Variants in CEP89 observed in about 807,000 individuals in gnomAD.
CEP89 encodes centrosomal protein 89, also known as centrosomal protein of 89 kDa.
In CEP89, 95 loss-of-function variants were observed where a neutral mutation model predicts 97.6. That is an observed-to-expected ratio of 0.97 (90% confidence interval 0.82 to 1.15). The LOEUF is 1.15. CEP89 is among the 50% of genes most tolerant of loss of function. The probability of loss-of-function intolerance (pLI) is 0.00; values close to 1 mark genes in which losing one functional copy is unlikely to be tolerated. For missense variants in CEP89, 869 were observed against 947.7 expected (o/e 0.92, Z 1.09); for synonymous variants, 354 against 349.1 (o/e 1.01, Z -0.16).
chr19:32,930,177 G>C (rs1048237088), intron 9 of CEP89, among the ~76,000 whole-genome samples: 1 of 151,718 alleles, frequency 6.6e-6, no homozygotes, highest in African/African-American at 2.4e-5. Flanking sequence ...AGGTGCGCAC[G>C]ACCATGCCTG....
chr19:32,885,559 T>C (rs1274440159), intron 17 of CEP89, among the ~76,000 whole-genome samples: 1 of 152,182 alleles, frequency 6.6e-6, no homozygotes, highest in Non-Finnish European at 1.5e-5. Flanking sequence ...TGGGCTCAAG[T>C]GATCTGCCTG....
chr19:32,896,658 A>T (rs1448162796), intron 16 of CEP89, among the ~76,000 whole-genome samples: 2 of 152,284 alleles, frequency 1.3e-5, no homozygotes, highest in African/African-American at 4.8e-5. Flanking sequence ...CAAAGGAAAC[A>T]ATCAATAGAA....
rs1337966855 is a variant in CEP89 at position 32,881,978 on chromosome 19, G to A, written c.2001C>T (p.Asp667=). The A allele has an allele frequency of 2.5e-6, 4 of 1,585,682 alleles. No individual in the cohort carries two copies. The highest frequency in any genetic ancestry group is 3.4e-6 in the Non-Finnish European group (4 of 1,166,114). The change falls in exon 18 of 19, where the codon GAC becomes GAT. Residue 667 remains aspartate (D), a synonymous_variant. Coordinates refer to ENST00000305768, the MANE Select transcript of CEP89 (RefSeq NM_032816.5). ...YKKQAALKLG[D]ISHRLLEQQE... ...GCTGCTCCAGCAGACGGTGACTGAT[G>A]TCCCCCAGCTTCAGTGCTGCCTGCT...
intron 14 of CEP89, among the ~76,000 whole-genome samples, chr19:32,909,656 C>T (rs971617959): frequency 6.6e-6 from 1 of 152,086 alleles, no homozygotes; most frequent in Non-Finnish European, 1.5e-5. Context: ...AACATGATTA[C>T]CAGAATTTAA....
chr19:32,931,646 G>A (rs967469141), intron 8 of CEP89, 75 bp from the exon 9 acceptor site: 30 of 1,290,880 alleles, frequency 2.3e-5, no homozygotes, highest in Admixed American at 5.7e-5. Flanking sequence ...ATTGCAAATC[G>A]TTTGCTTTTC....
intron 16 of CEP89, among the ~76,000 whole-genome samples, chr19:32,894,626 G>T (rs1969601183): frequency 6.6e-6 from 1 of 152,192 alleles, no homozygotes. Flanking sequence ...CTAGGTGGAG[G>T]TTTTATATGC....
intron 1 of CEP89, among the ~76,000 whole-genome samples, chr19:32,967,475 A>G (rs1000248321): frequency 4.0e-5 from 6 of 151,428 alleles, no homozygotes; most frequent in Non-Finnish European, 7.4e-5. Flanking sequence ...GAATTATGGA[A>G]TGAGCCGGGA....
rs909135458 is a variant in CEP89, at chr19:32,876,511, C to G, written c.*2651G>C. 9.1e-5 allele frequency: 14 copies of G among 154,012 alleles called. No homozygotes were observed. Among genetic ancestry groups the G allele is most frequent in the African/African-American group, 3.4e-4 (14 of 41,612 alleles). The allele number at this position is 154,012 out of a possible 1,614,324, so 9.5% of individuals were successfully genotyped here. A position where few individuals can be genotyped will look rare whatever the true frequency, so the allele number is the denominator to read the frequency against. ...TTTCCCACCCAAGCTCTGACCAAAC[C>G]CCCTCCTGCTGCTCTGAGTGCCTGC... On this transcript the variant is annotated 3_prime_UTR_variant, in exon 19 of 19. Transcript: ENST00000305768.
chr19:32,921,229 A>AAAAG (rs1207575416), intron 12 of CEP89, among the ~76,000 whole-genome samples: 11 of 113,400 alleles, frequency 9.7e-5, no homozygotes, highest in Non-Finnish European at 7.9e-5. Flanking sequence ...CTCAAAAAAA[A>AAAAG]AAAGAAAGAA....
intron 13 of CEP89, among the ~76,000 whole-genome samples, chr19:32,917,291 G>A (rs546672084): frequency 2.0e-4 from 31 of 152,240 alleles, no homozygotes; most frequent in African/African-American, 7.2e-4. Context: ...ATACTCCTGG[G>A]CCATGCAGGT....
chr19:32,913,890 C>T (rs577343732), intron 14 of CEP89, among the ~76,000 whole-genome samples: 13 of 152,208 alleles, frequency 8.5e-5, no homozygotes, highest in South Asian at 2.1e-4. Context: ...CCACCCGCCT[C>T]GGCCTCCCAA....
intron 3 of CEP89, among the ~76,000 whole-genome samples, chr19:32,954,398 T>C (rs1399540114): frequency 6.6e-6 from 1 of 151,644 alleles, no homozygotes; most frequent in African/African-American, 2.4e-5. Context: ...AGGGTCTCAC[T>C]CTGTCTCCCA....
chr19:32,939,813 C>A, intron 6 of CEP89, 44 bp downstream of exon 6: 1 of 895,240 alleles, frequency 1.1e-6, no homozygotes. Flanking sequence ...ATGATAAAAA[C>A]TCTATTTATT....
At chr19:32,891,821 GAGAAAGAGAGAGAGAA>G (rs1969523273) in intron 16 of CEP89, among the ~76,000 whole-genome samples, 1 of 150,658 alleles carries the variant, frequency 6.6e-6, no homozygotes, top group African/African-American at 2.4e-5. Context: ...GAGAGAGAGA[GAGAAAGAGAGAGAGAA>G]ACAGAGAGAG....
chr19:32,899,441 T>C (rs1432369320), intron 16 of CEP89, among the ~76,000 whole-genome samples: 1 of 152,112 alleles, frequency 6.6e-6, no homozygotes, highest in African/African-American at 2.4e-5. Context: ...GGTAATACAG[T>C]TGAAATTTTA....
At chr19:32,898,488 T>C (rs1374900972) in intron 16 of CEP89, among the ~76,000 whole-genome samples, 3 of 152,208 alleles carry the variant, frequency 2.0e-5, no homozygotes, top group African/African-American at 7.2e-5. Context: ...TAAGTTATCA[T>C]GTTCGACAGC....
Position 32,892,202 on chromosome 19 carries a change from CATATATATATATATATATATAT to C in CEP89, c.1876-4383_1876-4362del, listed in dbSNP as rs71336973. On this transcript the variant is annotated intron_variant, in intron 16 of 18. Coordinates refer to ENST00000305768, the MANE Select transcript of CEP89 (RefSeq NM_032816.5). ...TATATATTTAGAATATATATTTAGA[CATATATATATATATATATATAT>C]ATATATATATATATATATGTCTAGT... Among the ~76,000 whole-genome samples the C allele has an allele frequency of 1.4e-3, 161 of 115,036 alleles. 3 individuals carry two copies. The South Asian group carries it at 0.018, about 13-fold the overall frequency. The allele number at this position is 115,036 out of a possible 152,430, so 75.5% of individuals were successfully genotyped here. A position where few individuals can be genotyped will look rare whatever the true frequency, so the allele number is the denominator to read the frequency against.
chr19:32,954,019 C>G (rs2145960336), intron 3 of CEP89, among the ~76,000 whole-genome samples: 1 of 152,072 alleles, frequency 6.6e-6, no homozygotes, highest in East Asian at 1.9e-4. Context: ...CAGGTGCCCA[C>G]CACCGCGCCT....
At chr19:32,966,295 C>T (rs1452670074) in intron 2 of CEP89, 65 bp downstream of exon 2, 5 of 867,504 alleles carry the variant, frequency 5.8e-6, no homozygotes, top group Non-Finnish European at 8.5e-6. Context: ...TTGAGCAGTT[C>T]CAGGATCCAG....
Sources: allele counts gnomAD v4.1 joint callset (sites outside exome capture counted in the v4.1 genomes callset), GRCh38; gene constraint gnomAD v4.1.1; transcripts MANE v1.5; gene names NCBI Gene and HGNC (gene_info 2026-07-23, HGNC 2026-07-21).